The following BMP2K variants were observed in gnomAD, a reference collection of about 807,000 sequenced individuals.
The protein encoded by BMP2K is BMP2 inducible kinase.
A neutral mutation model predicts 116.0 loss-of-function variants in BMP2K; 74 were observed. That is an observed-to-expected ratio of 0.64 (90% CI 0.53 to 0.77). BMP2K has a LOEUF of 0.77. Among genes scored for constraint, BMP2K ranks in the 30% least tolerant of loss-of-function variants. The probability of loss-of-function intolerance (pLI) is 0.00; values close to 1 mark genes in which losing one functional copy is unlikely to be tolerated. For missense variants in BMP2K, 1,365 were observed against 1,403.6 expected (o/e 0.97, Z 0.44); for synonymous variants, 486 against 502.5 (o/e 0.97, Z 0.44).
intron 7 of BMP2K, 86 bp downstream of exon 7, chr4:78,851,142 T>C: frequency 7.9e-7 from 1 of 1,263,360 alleles, no homozygotes; most frequent in Middle Eastern, 2.7e-4. Context: ...AAATCTAGTC[T>C]TAATTTCATA....
chr4:78,845,479 A>C (rs1730954256), intron 5 of BMP2K, among the ~76,000 whole-genome samples: 1 of 151,664 alleles, frequency 6.6e-6, no homozygotes, highest in South Asian at 2.1e-4. Context: ...ACTGTGTAGA[A>C]AATGAAAGTG....
chr4:78,832,753 G>T (rs573955843), intron 2 of BMP2K, among the ~76,000 whole-genome samples: 1 of 152,088 alleles, frequency 6.6e-6, no homozygotes, highest in East Asian at 1.9e-4. Context: ...AGGGAGATTA[G>T]TTCTTTAGAA....
chr4:78,849,231 T>C (rs1345716043), intron 6 of BMP2K, among the ~76,000 whole-genome samples: 5 of 151,272 alleles, frequency 3.3e-5, no homozygotes, highest in Non-Finnish European at 7.4e-5. Context: ...ATGTTACCTA[T>C]TAATGAAGAA....
intron 1 of BMP2K, among the ~76,000 whole-genome samples, chr4:78,801,056 G>C (rs1018751623): frequency 6.6e-6 from 1 of 152,046 alleles, no homozygotes; most frequent in Non-Finnish European, 1.5e-5. Flanking sequence ...TTTACTTGTT[G>C]TTGGTGTTTT....
chr4:78,874,633 C>G (rs1353539930), intron 13 of BMP2K, among the ~76,000 whole-genome samples: 1 of 152,092 alleles, frequency 6.6e-6, no homozygotes. Context: ...ATTGTGTATA[C>G]TTCATATTCT....
chr4:78,806,364 G>A (rs1328387084), intron 1 of BMP2K, among the ~76,000 whole-genome samples: 1 of 151,886 alleles, frequency 6.6e-6, no homozygotes, highest in African/African-American at 2.4e-5. Context: ...TTTTTGTAGA[G>A]GTAGAGTCTT....
intron 13 of BMP2K, among the ~76,000 whole-genome samples, chr4:78,874,733 A>G (rs563291447): frequency 6.6e-6 from 1 of 152,322 alleles, no homozygotes; most frequent in East Asian, 1.9e-4. Flanking sequence ...TGATTAGTTA[A>G]AAAGAAAGTT....
rs748709920 is a variant in BMP2K at position 78,910,624 on chromosome 4, A to C, written c.2077A>C (p.Lys693Gln). 6.5e-7 allele frequency: 1 copy of C among 1,537,744 alleles called. No individual in the cohort carries two copies. Among genetic ancestry groups the C allele is most frequent in the Middle Eastern group, 1.8e-4 (1 of 5,684 alleles). The change falls in exon 16 of 16, where the codon AAA (lysine) becomes CAA (glutamine). Residue 693 changes from lysine to glutamine, a missense_variant. Transcript: ENST00000502613. ...FISHSGSPEK[K>Q]AEHSSINQEN... ...TGAACTTGCAGGTTCTCCTGAAAAG[A>C]AAGCTGAACATTCATCTATAAATCA... is the stretch of plus-strand genomic sequence containing the variant.
intron 9 of BMP2K, among the ~76,000 whole-genome samples, chr4:78,863,614 T>C (rs908111123): frequency 2.5e-4 from 38 of 152,096 alleles, no homozygotes; most frequent in African/African-American, 8.5e-4. Context: ...TTTGTTCAGG[T>C]GATGGCAAGG....
At chr4:78,794,233 G>GC (rs34785491) in intron 1 of BMP2K, among the ~76,000 whole-genome samples, 22,773 of 152,050 alleles carry the variant, frequency 0.15, 1,923 homozygotes, top group South Asian at 0.27. Flanking sequence ...AATCTGTGTT[G>GC]CTGGGGTGCA....
chr4:78,820,341 T>A (rs1028025260), intron 1 of BMP2K, among the ~76,000 whole-genome samples: 2 of 152,000 alleles, frequency 1.3e-5, no homozygotes, highest in Non-Finnish European at 2.9e-5. Flanking sequence ...ACTTTTAGGG[T>A]TTTCTTGTTA....
chr4:78,841,556 C>G (rs1730761305), intron 3 of BMP2K, among the ~76,000 whole-genome samples: 1 of 151,988 alleles, frequency 6.6e-6, no homozygotes, highest in Non-Finnish European at 1.5e-5. Context: ...CTTTTGATTC[C>G]CCTAACCCTA....
chr4:78,822,888 A>G (rs1729690239), intron 1 of BMP2K, among the ~76,000 whole-genome samples: 1 of 152,290 alleles, frequency 6.6e-6, no homozygotes, highest in East Asian at 1.9e-4. Flanking sequence ...TTGATAAGCT[A>G]TAGATTGGTG....
intron 1 of BMP2K, among the ~76,000 whole-genome samples, chr4:78,786,821 A>T (rs1263192990): frequency 6.6e-6 from 1 of 152,206 alleles, no homozygotes; most frequent in African/African-American, 2.4e-5. Flanking sequence ...TATCTTAAAT[A>T]GCTTTGTTCT....
chr4:78,865,552 T>A lies in BMP2K; in HGVS notation c.1068-5T>A. On this transcript the variant is annotated splice_polypyrimidine_tract_variant and splice_region_variant and intron_variant, in intron 9 of 15. Transcript: ENST00000502613. ...TTTAGAATGAAATATATTCTTCTGT[T>A]GTAGAATAACAGATACCATTGGACC... 1.9e-6 allele frequency: 3 copies of A among 1,613,002 alleles called. No individual in the cohort carries two copies. Among genetic ancestry groups the A allele is most frequent in the Non-Finnish European group, 2.5e-6 (3 of 1,179,058 alleles).
intron 10 of BMP2K, among the ~76,000 whole-genome samples, chr4:78,869,897 A>G (rs1026642313): frequency 6.6e-6 from 1 of 152,180 alleles, no homozygotes; most frequent in Non-Finnish European, 1.5e-5. Context: ...AAGCTGTTGT[A>G]CTTAGGTCTG....
intron 1 of BMP2K, among the ~76,000 whole-genome samples, chr4:78,805,706 C>T (rs1009288250): frequency 1.3e-5 from 2 of 152,116 alleles, no homozygotes; most frequent in Non-Finnish European, 2.9e-5. Context: ...TGTGGTGGCT[C>T]ACACCTGTAA....
At chr4:78,808,614 G>A (rs1324463158) in intron 1 of BMP2K, among the ~76,000 whole-genome samples, 1 of 151,992 alleles carries the variant, frequency 6.6e-6, no homozygotes. Flanking sequence ...TTCCCTCTAG[G>A]AACTACTTTA....
At chr4:78,814,243 T>C (rs1168757443) in intron 1 of BMP2K, among the ~76,000 whole-genome samples, 1 of 152,224 alleles carries the variant, frequency 6.6e-6, no homozygotes, top group Non-Finnish European at 1.5e-5. Flanking sequence ...CTCATGCCGT[T>C]GCAAATGCTA....
Sources: gnomAD v4.1 joint callset for allele counts (sites outside exome capture counted in the v4.1 genomes callset) on GRCh38, gnomAD v4.1.1 for gene constraint, MANE v1.5 for transcripts, NCBI Gene and HGNC (gene_info 2026-07-23, HGNC 2026-07-21) for gene names.